Variants in STPG2 observed in about 807,000 individuals in gnomAD.
STPG2 encodes the protein sperm-tail PG-rich repeat-containing protein 2.
A neutral mutation model predicts 54.2 loss-of-function variants in STPG2; 56 were observed. That is an observed-to-expected ratio of 1.03 (90% CI 0.83 to 1.29). STPG2 has a LOEUF of 1.29. Among genes scored for constraint, STPG2 ranks in the 50% most tolerant of loss-of-function variants. The pLI, the probability that STPG2 is intolerant of heterozygous loss-of-function variation, is 0.00. For missense variants in STPG2, 596 were observed against 544.9 expected, an observed-to-expected ratio of 1.09 and a Z score of -0.93; for synonymous variants, 200 against 181.8, an observed-to-expected ratio of 1.10 and a Z score of -0.81.
chr4:97,929,200 G>A (rs1732448117), intron 8 of STPG2, among the ~76,000 whole-genome samples: 1 of 152,098 alleles, frequency 6.6e-6, no homozygotes, highest in South Asian at 2.1e-4. Flanking sequence ...TCCCACAAAG[G>A]CAGGATCTCA....
At chr4:97,581,627 C>T (rs1732865690) in intron 10 of STPG2, among the ~76,000 whole-genome samples, 1 of 151,994 alleles carries the variant, frequency 6.6e-6, no homozygotes, top group Non-Finnish European at 1.5e-5. Flanking sequence ...TCATTTAACT[C>T]ATCAATTAAA....
chr4:98,050,119 T>C (rs1289173703), intron 5 of STPG2, among the ~76,000 whole-genome samples: 1 of 152,156 alleles, frequency 6.6e-6, no homozygotes, highest in Non-Finnish European at 1.5e-5. Flanking sequence ...ATTTGGATTC[T>C]GATTAAAACA....
chr4:97,843,241 T>C (rs1288462044), intron 8 of STPG2, among the ~76,000 whole-genome samples: 1 of 151,802 alleles, frequency 6.6e-6, no homozygotes, highest in African/African-American at 2.4e-5. Context: ...AATCCTGTTC[T>C]TGCATTTGGG....
At chr4:97,825,462 G>A (rs1012340405) in intron 9 of STPG2, among the ~76,000 whole-genome samples, 2 of 152,116 alleles carry the variant, frequency 1.3e-5, no homozygotes, top group African/African-American at 4.8e-5. Context: ...GACCCCTACT[G>A]AGAGATAAGA....
At chr4:97,482,241 G>GA (rs940911825) in intron 4 of STPG2, among the ~76,000 whole-genome samples, 1 of 150,764 alleles carries the variant, frequency 6.6e-6, no homozygotes, top group Non-Finnish European at 1.5e-5. Flanking sequence ...AACAGTTTTT[G>GA]AAAAAAAAGT....
intron 9 of STPG2, among the ~76,000 whole-genome samples, chr4:97,808,157 G>A (rs1383499185): frequency 6.6e-6 from 1 of 151,936 alleles, no homozygotes; most frequent in East Asian, 1.9e-4. Context: ...GAGGGTAAAT[G>A]AACACAGGTA....
At chr4:97,850,841 G>T (rs1377328300) in intron 8 of STPG2, among the ~76,000 whole-genome samples, 2 of 152,090 alleles carry the variant, frequency 1.3e-5, no homozygotes, top group African/African-American at 2.4e-5. Context: ...ATAAAATTGG[G>T]TTCTGTTAGC....
intron 4 of STPG2, among the ~76,000 whole-genome samples, chr4:97,511,729 A>G (rs1198098730): frequency 1.3e-5 from 2 of 152,110 alleles, no homozygotes; most frequent in Non-Finnish European, 2.9e-5. Flanking sequence ...CGCTTACCAT[A>G]CATAGATAAT....
intron 10 of STPG2, among the ~76,000 whole-genome samples, chr4:97,596,746 T>C (rs2148902641): frequency 1.3e-5 from 2 of 152,116 alleles, no homozygotes; most frequent in South Asian, 4.1e-4. Context: ...TAACAGAACC[T>C]CTGGGACATA....
intron 10 of STPG2, among the ~76,000 whole-genome samples, chr4:97,653,383 T>C (rs1452652436): frequency 1.3e-5 from 2 of 149,564 alleles, no homozygotes; most frequent in Non-Finnish European, 3.0e-5. Context: ...GCTATCAATA[T>C]GGAAGAAAAA....
intron 9 of STPG2, among the ~76,000 whole-genome samples, chr4:97,782,382 A>G (rs534783999): frequency 8.2e-4 from 125 of 152,268 alleles, no homozygotes; most frequent in Middle Eastern, 6.8e-3. Flanking sequence ...GGATGTGAAG[A>G]ACCTCTTCAA....
chr4:97,778,291 C>G (rs374112175), intron 9 of STPG2, among the ~76,000 whole-genome samples: 2 of 151,756 alleles, frequency 1.3e-5, no homozygotes, highest in African/African-American at 4.8e-5. Flanking sequence ...CGGAGGGTCC[C>G]ATGCCTGGCT....
intron 5 of STPG2, among the ~76,000 whole-genome samples, chr4:98,055,690 G>A (rs1028763366): frequency 1.3e-5 from 2 of 152,128 alleles, no homozygotes; most frequent in African/African-American, 4.8e-5. Flanking sequence ...ACACAGCCAG[G>A]GACAGCCATC....
intron 9 of STPG2, among the ~76,000 whole-genome samples, chr4:97,741,271 C>T (rs1364687635): frequency 6.6e-6 from 1 of 152,134 alleles, no homozygotes; most frequent in Non-Finnish European, 1.5e-5. Flanking sequence ...TAGAAGAAAA[C>T]CTAGGCATTA....
At chr4:97,556,699 T>C (rs1732085608), downstream of STPG2, among the ~76,000 whole-genome samples, 2 of 152,130 alleles carry the variant, frequency 1.3e-5, no homozygotes, top group African/African-American at 2.4e-5. Context: ...TCTAGCTCTA[T>C]TTGAGAAACA....
chr4:97,881,819 A>G (rs1193632592), intron 8 of STPG2, among the ~76,000 whole-genome samples: 1 of 152,104 alleles, frequency 6.6e-6, no homozygotes, highest in African/African-American at 2.4e-5. Flanking sequence ...CTCCATCACA[A>G]TCTCCAAATC....
chr4:97,572,606 T>C (rs571798925), intron 10 of STPG2: 1 of 152,286 alleles, frequency 6.6e-6, no homozygotes, highest in East Asian at 1.9e-4. Context: ...CAAATGATAG[T>C]GTGCTTTTGT....
At chr4:97,958,818 G>C (rs1310332409) in intron 7 of STPG2, among the ~76,000 whole-genome samples, 1 of 152,172 alleles carries the variant, frequency 6.6e-6, no homozygotes, top group South Asian at 2.1e-4. Context: ...AGGTCATCAA[G>C]ACAGAAAGTC....
intron 7 of STPG2, among the ~76,000 whole-genome samples, chr4:97,966,821 G>A (rs1180451786): frequency 6.6e-6 from 1 of 151,898 alleles, no homozygotes; most frequent in African/African-American, 2.4e-5. Context: ...CGCAAAGGCT[G>A]AGAGATTACA....
Sources: gnomAD v4.1 joint callset for allele counts (sites outside exome capture counted in the v4.1 genomes callset) on GRCh38, gnomAD v4.1.1 for gene constraint, MANE v1.5 for transcripts, NCBI Gene and HGNC (gene_info 2026-07-23, HGNC 2026-07-21) for gene names.